Variants in ENTREP2 observed in about 807,000 individuals in gnomAD.
The protein encoded by ENTREP2 is endosomal transmembrane epsin interactor 2.
the ENTREP2 span, among the ~76,000 whole-genome samples, chr15:29,432,895 C>T: frequency 6.6e-6 from 1 of 152,216 alleles, no homozygotes. Context: ...CAGCCTCACT[C>T]CTGGGCATCT....
At chr15:29,266,379 A>C in the ENTREP2 span, 1 of 152,232 alleles carries the variant, frequency 6.6e-6, no homozygotes, top group Non-Finnish European at 1.5e-5. Flanking sequence ...ACTTGACACA[A>C]GCTCAAGAGC....
the ENTREP2 span, among the ~76,000 whole-genome samples, chr15:29,339,510 C>T: frequency 4.6e-5 from 7 of 152,252 alleles, no homozygotes; most frequent in South Asian, 2.1e-4. Flanking sequence ...AAAATTCGTG[C>T]GCTGTAACAG....
chr15:29,622,275 G>A, the ENTREP2 span, among the ~76,000 whole-genome samples: 4 of 152,054 alleles, frequency 2.6e-5, no homozygotes, highest in Non-Finnish European at 5.9e-5. Context: ...GCATGATCTC[G>A]GCTTACTGCA....
At chr15:29,418,594 CG>C in the ENTREP2 span, among the ~76,000 whole-genome samples, 1 of 152,158 alleles carries the variant, frequency 6.6e-6, no homozygotes, top group Non-Finnish European at 1.5e-5. Context: ...ACAGGTCTTT[CG>C]CTTCCAGGTC....
chr15:29,199,295 G>A, the ENTREP2 span, among the ~76,000 whole-genome samples: 2 of 152,158 alleles, frequency 1.3e-5, no homozygotes, highest in African/African-American at 2.4e-5. Flanking sequence ...TACTGGAAGA[G>A]GTACTTCTTC....
chr15:29,605,742 T>C, the ENTREP2 span, among the ~76,000 whole-genome samples: 1 of 151,556 alleles, frequency 6.6e-6, no homozygotes, highest in African/African-American at 2.4e-5. Flanking sequence ...GAGGCTGAGG[T>C]AGGAGAATTG....
the ENTREP2 span, among the ~76,000 whole-genome samples, chr15:29,481,669 G>C: frequency 6.6e-6 from 1 of 152,056 alleles, no homozygotes; most frequent in African/African-American, 2.4e-5. Context: ...GTGCACTCTG[G>C]GGGTTGAAGG....
the ENTREP2 span, among the ~76,000 whole-genome samples, chr15:29,667,273 T>C: frequency 6.6e-6 from 1 of 151,648 alleles, no homozygotes; most frequent in African/African-American, 2.4e-5. Flanking sequence ...CTGCAAGCTC[T>C]GCCTCCCGGG....
At chr15:29,136,378 G>A in the ENTREP2 span, 9 of 1,509,844 alleles carry the variant, frequency 6.0e-6, no homozygotes, top group Non-Finnish European at 7.1e-6. Context: ...GGCTGGCAGG[G>A]GGCTGGCCCA....
chr15:29,404,437 CCT>C, the ENTREP2 span, among the ~76,000 whole-genome samples: 2 of 151,908 alleles, frequency 1.3e-5, no homozygotes, highest in African/African-American at 2.4e-5. Context: ...GCAGAACTCC[CCT>C]GTCTGGTCAG....
the ENTREP2 span, among the ~76,000 whole-genome samples, chr15:29,175,959 T>C: frequency 6.6e-6 from 1 of 152,226 alleles, no homozygotes; most frequent in Non-Finnish European, 1.5e-5. Context: ...CTCTCATGAC[T>C]ACTTCTTTTA....
At chr15:29,433,228 G>A in the ENTREP2 span, among the ~76,000 whole-genome samples, 3 of 152,154 alleles carry the variant, frequency 2.0e-5, no homozygotes, top group African/African-American at 7.2e-5. Context: ...TAGGAGGGTA[G>A]GTCTCAGCCA....
At chr15:29,624,414 G>T in the ENTREP2 span, among the ~76,000 whole-genome samples, 1 of 152,190 alleles carries the variant, frequency 6.6e-6, no homozygotes, top group Non-Finnish European at 1.5e-5. Context: ...CCGAATGTGT[G>T]AGTAGTGTAA....
At chr15:29,118,145 G>GTCTC in the ENTREP2 span, 1 of 152,670 alleles carries the variant, frequency 6.6e-6, no homozygotes, top group African/African-American at 2.4e-5. Flanking sequence ...TTGTCTCGAA[G>GTCTC]TCTCTTTTTT....
the ENTREP2 span, among the ~76,000 whole-genome samples, chr15:29,249,211 G>C: frequency 2.0e-5 from 3 of 152,214 alleles, no homozygotes; most frequent in Non-Finnish European, 2.9e-5. Flanking sequence ...GGGAGGCTGA[G>C]GCAGAAGAAT....
At chr15:29,517,106 C>G in the ENTREP2 span, among the ~76,000 whole-genome samples, 5 of 151,900 alleles carry the variant, frequency 3.3e-5, no homozygotes, top group Admixed American at 6.6e-5. Flanking sequence ...TGGCAGGGTT[C>G]TCTGAGCACT....
At chr15:29,384,551 T>A in the ENTREP2 span, among the ~76,000 whole-genome samples, 78 of 152,260 alleles carry the variant, frequency 5.1e-4, no homozygotes, top group African/African-American at 1.7e-3. Context: ...AGGTCCCTGA[T>A]TTTCCAGCAC....
the ENTREP2 span, among the ~76,000 whole-genome samples, chr15:29,183,083 A>G: frequency 6.6e-6 from 1 of 152,192 alleles, no homozygotes; most frequent in East Asian, 1.9e-4. Context: ...TGCAACACTA[A>G]AAGGACACAT....
At chr15:29,153,024 A>AT in the ENTREP2 span, among the ~76,000 whole-genome samples, 1 of 152,112 alleles carries the variant, frequency 6.6e-6, no homozygotes, top group Non-Finnish European at 1.5e-5. Context: ...TTTATTTTGC[A>AT]TTTCCCTGAT....
Sources: allele counts gnomAD v4.1 joint callset (sites outside exome capture counted in the v4.1 genomes callset), GRCh38; gene constraint gnomAD v4.1.1; transcripts MANE v1.5; gene names NCBI Gene and HGNC (gene_info 2026-07-23, HGNC 2026-07-21).